The following MROH7 variants were observed in gnomAD, a reference collection of about 807,000 sequenced individuals.
The protein encoded by MROH7 is maestro heat-like repeat-containing protein family member 7.
In MROH7, 113 loss-of-function variants were observed where a neutral mutation model predicts 129.2. The observed-to-expected ratio is 0.87, with a 90% CI of 0.75 to 1.02. The LOEUF (loss-of-function observed/expected upper bound fraction) is 1.02, where lower values mean the gene tolerates loss of function less well. Among genes scored for constraint, MROH7 ranks in the 50% least tolerant of loss-of-function variants. MROH7 has a pLI of 0.00. For synonymous variants in MROH7, 655 were observed against 667.9 expected (o/e 0.98, Z 0.30); for missense variants, 1,601 against 1,671.3 (o/e 0.96, Z 0.73).
At chr1:54,642,732 C>T (rs1644407363) in intron 1 of MROH7, among the ~76,000 whole-genome samples, 1 of 152,220 alleles carries the variant, frequency 6.6e-6, no homozygotes, top group Admixed American at 6.5e-5. Flanking sequence ...CCTCCCACCT[C>T]AGCCTCCCAA....
chr1:54,645,643 C>CT (rs373197591), intron 1 of MROH7, among the ~76,000 whole-genome samples: 2 of 123,326 alleles, frequency 1.6e-5, no homozygotes, highest in African/African-American at 5.9e-5. Flanking sequence ...CTTTTCTTTT[C>CT]TTTCTTTCTT....
At chr1:54,700,043 A>G (rs1341049949) in intron 17 of MROH7, 2 of 658,720 alleles carry the variant, frequency 3.0e-6, no homozygotes, top group Non-Finnish European at 5.7e-6. Flanking sequence ...TGTGGGCTGG[A>G]GGGTGGGCAC....
chr1:54,691,669 G>A (rs567181504), intron 15 of MROH7, among the ~76,000 whole-genome samples: 3 of 152,030 alleles, frequency 2.0e-5, no homozygotes, highest in Admixed American at 6.6e-5. Context: ...AGCCGGGTGT[G>A]GTGGCGCATG....
chr1:54,706,729 G>A (rs1055707544), intron 22 of MROH7, among the ~76,000 whole-genome samples, 192 bp downstream of exon 22: 17 of 152,194 alleles, frequency 1.1e-4, no homozygotes, highest in African/African-American at 4.1e-4. Flanking sequence ...TAGGAAGTGA[G>A]CTACAGGCTG....
intron 17 of MROH7, chr1:54,699,146 CTTTCTTTCTTTCTTTT>C (rs1645380756): frequency 1.2e-5 from 1 of 85,736 alleles, no homozygotes; most frequent in African/African-American, 4.5e-5. Flanking sequence ...TTCTTTCTTT[CTTTCTTTCTTTCTTTT>C]CTTTCTTTCT....
At position 54,709,064 on chromosome 1, in the gene MROH7, G is replaced by T. The variant is rs1337417045; in HGVS notation, c.3718G>T (p.Glu1240Ter). 1 of 1,614,090 alleles carries T rather than the reference G, an allele frequency of 6.2e-7. No individual in the cohort carries two copies. Among genetic ancestry groups the T allele is most frequent in the Non-Finnish European group, 8.5e-7 (1 of 1,180,036 alleles). Residue 1240 changes from glutamate to a stop codon, truncating the protein, a stop_gained, in exon 23 of 24, where the codon GAA (glutamate) becomes TAA (stop). Coordinates refer to ENST00000421030, the MANE Select transcript of MROH7 (RefSeq NM_001039464.4). LOFTEE classifies it high-confidence loss of function. ...CATAATGACAGAAGATCGTCTGAAT[G>T]AAGTGAAAGCTGGTAAGTCATGCCC... is the stretch of plus-strand genomic sequence containing the variant. Reference protein sequence around the residue: ...ESIMTEDRLNEVKAALDNLRH... With the variant: ...ESIMTEDRLN
At chr1:54,695,744 G>A in intron 17 of MROH7, 1 of 526,312 alleles carries the variant, frequency 1.9e-6, no homozygotes, top group Admixed American at 2.9e-5. Flanking sequence ...GCACCTCTGT[G>A]TGTCAGGCAC....
rs201018136 is a variant in MROH7 at position 54,702,692 on chromosome 1, C to T, written c.3511C>T (p.Arg1171Trp). ...GGAGTTGCCAAAAAGAGCTTATAGC[C>T]GGAAGCCCTGGGACAACCAACAGCA... ...AWELPKRAYS[R>W]KPWDNQQQTV... The change falls in exon 21 of 24, where the codon CGG (arginine) becomes TGG (tryptophan). Residue 1171 changes from arginine (R) to tryptophan (W), a missense_variant. Transcript: ENST00000421030. 1.1e-5 allele frequency: 17 copies of T among 1,613,846 alleles called. No individual in the cohort carries two copies. The highest frequency in any genetic ancestry group is 3.3e-5 in the South Asian group (3 of 91,036).
rs1346392865 is a variant in MROH7 at position 54,683,829 on chromosome 1, C to T, written c.2520+1035C>T. On this transcript the variant is annotated intron_variant, in intron 14 of 23. Transcript: ENST00000421030. ...CTACTCATCCTTCAGCTGTCAACTCCAGCATCACTTCCTTAGGGAAGCCCT... is the reference window on the plus strand; with the variant it reads ...CTACTCATCCTTCAGCTGTCAACTCTAGCATCACTTCCTTAGGGAAGCCCT... 2.0e-5 allele frequency among the ~76,000 whole-genome samples: 3 copies of T among 152,194 alleles called. No individual in the cohort carries two copies. In the East Asian group the frequency reaches 5.8e-4, roughly 29 times the overall value.
rs118151469 is a variant in MROH7 at position 54,701,020 on chromosome 1, A to G, written c.3106-123A>G. The G allele has an allele frequency of 5.4e-3, 5,847 of 1,074,946 alleles. 209 individuals are homozygous for G. The South Asian group carries it at 0.056, about 10-fold the overall frequency. 66.6% of individuals were successfully genotyped at this position (1,074,946 alleles called of 1,614,324 possible). A position where few individuals can be genotyped will look rare whatever the true frequency, so the allele number is the denominator to read the frequency against. ...GGGTATTCCAGGCAGGTGGGATGGC[A>G]TAGGCCAAGGCCTGGAAGTGGGGAT... On this transcript the variant is annotated intron_variant, in intron 18 of 23. Transcript: ENST00000421030.
chr1:54,661,864 G>A (rs555174800), intron 3 of MROH7, among the ~76,000 whole-genome samples: 6 of 152,110 alleles, frequency 3.9e-5, no homozygotes, highest in African/African-American at 1.4e-4. Context: ...CCAAAGTGCC[G>A]GTATTACAGG....
chr1:54,683,735 G>A (rs1019315557), intron 14 of MROH7, among the ~76,000 whole-genome samples: 114 of 152,170 alleles, frequency 7.5e-4, no homozygotes, highest in Middle Eastern at 6.8e-3. Context: ...ATCCAGCCAC[G>A]CTATCTTGTC....
chr1:54,687,956 C>A (rs1193466624), intron 15 of MROH7, among the ~76,000 whole-genome samples: 2 of 147,356 alleles, frequency 1.4e-5, no homozygotes, highest in Admixed American at 6.9e-5. Flanking sequence ...GCAGCCTTCA[C>A]CTCCCAGACT....
intron 17 of MROH7, among the ~76,000 whole-genome samples, chr1:54,696,974 A>C (rs1253448507): frequency 6.6e-6 from 1 of 152,036 alleles, no homozygotes; most frequent in Admixed American, 6.6e-5. Context: ...GCCTAGTCAA[A>C]ATTTCCTTAC....
In MROH7 at chr1:54,704,793, C is replaced by CTTTTTTTTTT. The variant is rs750428757; in HGVS notation, c.3565-1628_3565-1619dup. 1.4e-3 allele frequency among the ~76,000 whole-genome samples: 95 copies of CTTTTTTTTTT among 67,822 alleles called. 6 individuals are homozygous for CTTTTTTTTTT. The highest frequency in any genetic ancestry group is 2.2e-3 in the Admixed American group (10 of 4,518). The allele number at this position is 67,822 out of a possible 152,430, so 44.5% of individuals were successfully genotyped here. On this transcript the variant is annotated intron_variant, in intron 21 of 23. Coordinates refer to ENST00000421030, the MANE Select transcript of MROH7 (RefSeq NM_001039464.4). The stretch of plus-strand genomic sequence containing the variant: ...ACATGAATTAGCATTCAATGTAGCT[C>CTTTTTTTTTT]TTTTTTTTTTTTTTTTTTTTTTTGA...
At chr1:54,670,658 C>T in intron 6 of MROH7, 82 bp downstream of exon 6, 1 of 1,351,688 alleles carries the variant, frequency 7.4e-7, no homozygotes, top group Non-Finnish European at 1.0e-6. Context: ...TTCGCTGTAC[C>T]CTCCCCCAAC....
At position 54,649,883 on chromosome 1, in the gene MROH7, A is replaced by T. The variant is rs1349174240; in HGVS notation, c.-109-2066A>T. On this transcript the variant is annotated intron_variant, in intron 1 of 23. Transcript: ENST00000421030. ...GAAAGGGACTGTGAAATCAAGGAGC[A>T]ATCAAATTTTACATTCAGGGTAAAA... 2.0e-5 allele frequency among the ~76,000 whole-genome samples: 3 copies of T among 152,236 alleles called. No homozygotes were observed. In the East Asian group the frequency reaches 5.8e-4, roughly 29 times the overall value.
chr1:54,686,869 A>G (rs1233028685), intron 15 of MROH7, among the ~76,000 whole-genome samples: 3 of 152,158 alleles, frequency 2.0e-5, no homozygotes, highest in African/African-American at 7.2e-5. Context: ...TACCCCAGTT[A>G]TGTTCCCAAA....
chr1:54,666,073 C>T (rs1005579653), intron 4 of MROH7, among the ~76,000 whole-genome samples: 1 of 152,216 alleles, frequency 6.6e-6, no homozygotes, highest in Non-Finnish European at 1.5e-5. Context: ...TTTCTTCTGC[C>T]AGGAAAGTTC....
Sources: allele counts gnomAD v4.1 joint callset (sites outside exome capture counted in the v4.1 genomes callset), GRCh38; gene constraint gnomAD v4.1.1; transcripts MANE v1.5; gene names NCBI Gene and HGNC (gene_info 2026-07-23, HGNC 2026-07-21).